Variants in FAM219A observed in about 807,000 individuals in gnomAD.
FAM219A encodes the protein family with sequence similarity 219 member A, also known as protein FAM219A.
In FAM219A, 7 loss-of-function variants were observed where a neutral mutation model predicts 23.4. The observed-to-expected ratio is 0.30, with a 90% CI of 0.17 to 0.56. The LOEUF (loss-of-function observed/expected upper bound fraction) is 0.56. Ranked by LOEUF, FAM219A falls within the 20% of genes least tolerant of loss-of-function variation. The pLI is 0.92. For missense variants in FAM219A, 166 were observed against 246.9 expected (o/e 0.67, Z 2.20); for synonymous variants, 93 against 99.0 (o/e 0.94, Z 0.36).
intron 1 of FAM219A, among the ~76,000 whole-genome samples, chr9:34,432,722 GGC>G (rs1311916990): frequency 6.6e-6 from 1 of 152,056 alleles, no homozygotes. Flanking sequence ...TATTTCCACT[GGC>G]GTCACGTTCC....
At chr9:34,448,339 G>T (rs1171974025) in intron 1 of FAM219A, among the ~76,000 whole-genome samples, 1 of 152,170 alleles carries the variant, frequency 6.6e-6, no homozygotes, top group Non-Finnish European at 1.5e-5. Flanking sequence ...TAGAACTGTT[G>T]TTCCCCCTGC....
At chr9:34,416,751 T>C (rs200221061) in intron 1 of FAM219A, among the ~76,000 whole-genome samples, 1 of 50,432 alleles carries the variant, frequency 2.0e-5, no homozygotes, top group Non-Finnish European at 5.2e-5. Context: ...AAAAAAAAAG[T>C]ATGATTTTTT....
At chr9:34,433,924 C>T (rs1323703794) in intron 1 of FAM219A, among the ~76,000 whole-genome samples, 1 of 151,912 alleles carries the variant, frequency 6.6e-6, no homozygotes, top group Non-Finnish European at 1.5e-5. Context: ...TGGCCTCGGC[C>T]GGGCGCGGTG....
chr9:34,407,206 T>C (rs10119711), intron 1 of FAM219A, among the ~76,000 whole-genome samples: 53,543 of 151,770 alleles, frequency 0.35, 9,870 homozygotes, highest in African/African-American at 0.46. Flanking sequence ...CCTGAGACTC[T>C]GAGGACCAAA....
In FAM219A at chr9:34,398,379, G is replaced by A. The variant is rs1485332606; in HGVS notation, c.*2585C>T. 2.6e-6 allele frequency: 4 copies of A among 1,550,398 alleles called. No homozygotes were observed. The highest frequency in any genetic ancestry group is 3.5e-6 in the Non-Finnish European group (4 of 1,146,814). ...AGCCACAGCTGAGAGAGGAGGGAGT[G>A]TTAAGGCAGTATCTACAAGGGGAAG... On this transcript the variant is annotated 3_prime_UTR_variant, in exon 6 of 6. Coordinates refer to ENST00000651358, the MANE Select transcript of FAM219A (RefSeq NM_001184940.2).
intron 1 of FAM219A, among the ~76,000 whole-genome samples, chr9:34,434,827 TC>T (rs59598119): frequency 0.021 from 3,138 of 152,042 alleles, 87 homozygotes; most frequent in East Asian, 0.12. Context: ...TTTCTTTCTT[TC>T]TTTTTTTTTG....
intron 1 of FAM219A, among the ~76,000 whole-genome samples, chr9:34,447,035 C>CA (rs1200936734): frequency 1.3e-5 from 2 of 152,236 alleles, no homozygotes; most frequent in Admixed American, 1.3e-4. Context: ...CTACCTTCTC[C>CA]AATCACACAG....
intron 1 of FAM219A, among the ~76,000 whole-genome samples, chr9:34,416,231 GAAA>G (rs1822008907): frequency 1.7e-5 from 2 of 116,356 alleles, no homozygotes; most frequent in African/African-American, 6.5e-5. Flanking sequence ...AAGAAAGAAA[GAAA>G]GAAAGAAAGA....
At chr9:34,444,067 C>T (rs768887240) in intron 1 of FAM219A, among the ~76,000 whole-genome samples, 6 of 152,212 alleles carry the variant, frequency 3.9e-5, no homozygotes, top group Non-Finnish European at 5.9e-5. Flanking sequence ...CCCCACTTGG[C>T]CTTTCACTGA....
At chr9:34,455,910 A>T (rs1823713671) in intron 1 of FAM219A, among the ~76,000 whole-genome samples, 1 of 152,334 alleles carries the variant, frequency 6.6e-6, no homozygotes, top group South Asian at 2.1e-4. Flanking sequence ...AAGTATTCTC[A>T]GGCCGGGCAT....
chr9:34,448,360 A>G (rs1823442342), intron 1 of FAM219A, among the ~76,000 whole-genome samples: 1 of 152,242 alleles, frequency 6.6e-6, no homozygotes, highest in South Asian at 2.1e-4. Context: ...TGAAGACCAT[A>G]GCAGACATGG....
intron 1 of FAM219A, among the ~76,000 whole-genome samples, chr9:34,433,066 T>G (rs879112212): frequency 6.6e-6 from 1 of 152,180 alleles, no homozygotes; most frequent in African/African-American, 2.4e-5. Flanking sequence ...TGTATTCACT[T>G]CATATATAAA....
At chr9:34,404,841 C>T (rs1234493301) in intron 2 of FAM219A, among the ~76,000 whole-genome samples, 5 of 151,942 alleles carry the variant, frequency 3.3e-5, no homozygotes, top group South Asian at 2.1e-4. Flanking sequence ...AAAAACAGCT[C>T]GAGGGGCTCC....
intron 1 of FAM219A, among the ~76,000 whole-genome samples, chr9:34,445,008 C>T (rs137885577): frequency 1.2e-4 from 18 of 152,308 alleles, no homozygotes; most frequent in African/African-American, 3.9e-4. Flanking sequence ...ATAGCAGATG[C>T]TCAAAAGATG....
intron 1 of FAM219A, among the ~76,000 whole-genome samples, chr9:34,448,316 G>A (rs1272441822): frequency 6.6e-6 from 1 of 152,168 alleles, no homozygotes; most frequent in Non-Finnish European, 1.5e-5. Flanking sequence ...CGCTGGGATG[G>A]CAACCAGAAT....
At chr9:34,425,205 C>T (rs909028929) in intron 1 of FAM219A, among the ~76,000 whole-genome samples, 1 of 152,018 alleles carries the variant, frequency 6.6e-6, no homozygotes, top group African/African-American at 2.4e-5. Context: ...CAAATGAGGC[C>T]CACAGTGGCT....
At chr9:34,443,436 G>A (rs977963968) in intron 1 of FAM219A, among the ~76,000 whole-genome samples, 1 of 152,150 alleles carries the variant, frequency 6.6e-6, no homozygotes, top group African/African-American at 2.4e-5. Context: ...CTGTCAAGGA[G>A]GCCAAAGACT....
chr9:34,444,411 A>C (rs1224361556), intron 1 of FAM219A, among the ~76,000 whole-genome samples: 1 of 152,206 alleles, frequency 6.6e-6, no homozygotes, highest in Non-Finnish European at 1.5e-5. Context: ...TACAGGTCAT[A>C]TAATGTTGGA....
chr9:34,431,883 T>TGCATATGTGCACGC (rs2131983155), intron 1 of FAM219A, among the ~76,000 whole-genome samples: 1 of 152,360 alleles, frequency 6.6e-6, no homozygotes, highest in Non-Finnish European at 1.5e-5. Flanking sequence ...TATGTGCATG[T>TGCATATGTGCACGC]GCATATGTGC....
Sources: gnomAD v4.1 joint callset for allele counts (sites outside exome capture counted in the v4.1 genomes callset) on GRCh38, gnomAD v4.1.1 for gene constraint, MANE v1.5 for transcripts, NCBI Gene and HGNC (gene_info 2026-07-23, HGNC 2026-07-21) for gene names.